Variants in R3HDM1 observed in about 807,000 individuals in gnomAD.
R3HDM1 encodes R3H domain-containing protein 1.
R3HDM1 carries 46 observed loss-of-function variants against 141.1 expected under a neutral mutation model. The ratio of observed to expected loss-of-function variants is 0.33; its 90% confidence interval spans 0.26 to 0.42. R3HDM1 has a LOEUF of 0.42. Ranked by LOEUF, R3HDM1 falls within the 10% of genes least tolerant of loss-of-function variation. R3HDM1 has a pLI of 1.00. For missense variants in R3HDM1, 1,184 were observed against 1,368.3 expected (o/e 0.87, Z 2.12); for synonymous variants, 435 against 472.9 (o/e 0.92, Z 1.04).
At chr2:135,699,872 ATGT>A (rs1397148812) in intron 21 of R3HDM1, among the ~76,000 whole-genome samples, 2 of 152,212 alleles carry the variant, frequency 1.3e-5, no homozygotes, top group Non-Finnish European at 2.9e-5. Context: ...ACATGGGAAA[ATGT>A]TGTCTTACCA....
intron 1 of R3HDM1, among the ~76,000 whole-genome samples, chr2:135,572,218 G>A (rs915989599): frequency 2.0e-5 from 3 of 152,172 alleles, no homozygotes; most frequent in Non-Finnish European, 2.9e-5. Flanking sequence ...GCCTCCCAAA[G>A]TGATGGGATT....
rs796883719 is a variant in R3HDM1, at chr2:135,699,101, AGATT to A, written c.2460-10331_2460-10328del. 7.7e-3 allele frequency among the ~76,000 whole-genome samples: 1,172 copies of A among 151,554 alleles called. 44 individuals carry two copies. The highest frequency in any genetic ancestry group is 0.027 in the African/African-American group (1,107 of 41,138). ...TAGATAGATAGATAGATAGATAGAT[AGATT>A]AGATATTCCAAACCCCAAAAAATAG... On this transcript the variant is annotated intron_variant, in intron 21 of 26. Coordinates refer to ENST00000683871, the MANE Select transcript of R3HDM1 (RefSeq NM_001378107.1).
At chr2:135,550,688 T>C (rs543397986) in intron 1 of R3HDM1, among the ~76,000 whole-genome samples, 50 of 152,342 alleles carry the variant, frequency 3.3e-4, no homozygotes, top group African/African-American at 1.2e-3. Flanking sequence ...AGTGGAGATC[T>C]ATTTGAGTCA....
At chr2:135,623,540 T>C (rs1196019608) in intron 7 of R3HDM1, among the ~76,000 whole-genome samples, 1 of 152,232 alleles carries the variant, frequency 6.6e-6, no homozygotes, top group Non-Finnish European at 1.5e-5. Context: ...CTGTTTCGTA[T>C]TTAATATCAA....
In R3HDM1 at chr2:135,645,500, A is replaced by G. The variant is rs758040991; in HGVS notation, c.1596A>G (p.Gln532=). 1 of 1,614,020 alleles carries G rather than the reference A, an allele frequency of 6.2e-7. No individual in the cohort carries two copies. The highest frequency in any genetic ancestry group is 1.1e-5 in the South Asian group (1 of 91,062). The stretch of plus-strand genomic sequence containing the variant: ...CACCTCTGCCAGCCCCACCTCAACA[A>G]CCAGCAGCTAATCACATTTTCTCAC... The part of the protein sequence containing the change: ...PQPPLPAPPQ[Q]PAANHIFSQP... Residue 532 remains glutamine, a synonymous_variant, in exon 16 of 27, where the codon CAA becomes CAG. Transcript: ENST00000683871.
At chr2:135,611,539 G>C (rs1331916415) in intron 3 of R3HDM1, among the ~76,000 whole-genome samples, 1 of 152,078 alleles carries the variant, frequency 6.6e-6, no homozygotes, top group African/African-American at 2.4e-5. Context: ...TTATTGTCAT[G>C]CAAGATTTTT....
rs1203890006 is a variant in R3HDM1, at chr2:135,537,325, A to G, written c.-250+5692A>G. ...TTTTGAGATGAAGTCTTGCTCTGTC[A>G]CCCAGGCTGGAGTGCAGTGGCGCAA... On this transcript the variant is annotated intron_variant, in intron 1 of 26. Transcript: ENST00000683871. 2.6e-5 allele frequency among the ~76,000 whole-genome samples: 3 copies of G among 114,566 alleles called. No homozygotes were observed. The Admixed American group carries it at 4.0e-4, about 15-fold the overall frequency. The allele number at this position is 114,566 out of a possible 152,430, so 75.2% of individuals were successfully genotyped here.
At chr2:135,686,956 T>C (rs925248289) in intron 21 of R3HDM1, among the ~76,000 whole-genome samples, 1 of 152,184 alleles carries the variant, frequency 6.6e-6, no homozygotes, top group African/African-American at 2.4e-5. Context: ...CCCAGCACTT[T>C]GGGAGGCCAA....
At position 135,639,065 on chromosome 2, in the gene R3HDM1, C is replaced by T; in HGVS notation, c.1162C>T (p.Leu388=). 8 of 1,614,138 alleles carry T rather than the reference C, an allele frequency of 5.0e-6. No individual in the cohort carries two copies. The highest frequency in any genetic ancestry group is 6.8e-6 in the Non-Finnish European group (8 of 1,180,028). The change falls in exon 14 of 27, where the codon CTG becomes TTG. Residue 388 remains leucine (L), a synonymous_variant. Transcript: ENST00000683871. ...CAGCAGCTTCAGTGGAATCTCAGTCCTGACAAGAGGTGATAGTTCTGGAAG... is the reference window on the plus strand; with the variant it reads ...CAGCAGCTTCAGTGGAATCTCAGTCTTGACAAGAGGTGATAGTTCTGGAAG... ...KASSFSGISV[L]TRGDSSGSSK... is the part of the protein sequence containing the mutation.
chr2:135,635,287 GC>G (rs1378579922), intron 9 of R3HDM1, among the ~76,000 whole-genome samples: 1 of 152,122 alleles, frequency 6.6e-6, no homozygotes, highest in African/African-American at 2.4e-5. Flanking sequence ...ATAAGATACG[GC>G]ACTGCACTTT....
intron 18 of R3HDM1, among the ~76,000 whole-genome samples, chr2:135,652,663 T>G (rs965907629): frequency 2.0e-5 from 3 of 152,206 alleles, no homozygotes; most frequent in African/African-American, 7.2e-5. Flanking sequence ...TAAAATGAGT[T>G]GGGCATTGTT....
intron 19 of R3HDM1, among the ~76,000 whole-genome samples, chr2:135,668,106 G>A (rs935954334): frequency 4.6e-5 from 7 of 152,116 alleles, no homozygotes; most frequent in Non-Finnish European, 1.0e-4. Context: ...CAAGAGTAAG[G>A]TTCTTATCTT....
At chr2:135,698,978 C>T (rs549396560) in intron 21 of R3HDM1, among the ~76,000 whole-genome samples, 1 of 129,826 alleles carries the variant, frequency 7.7e-6, no homozygotes, top group South Asian at 2.5e-4. Context: ...CAATATTACA[C>T]TCAGATAGAT....
At chr2:135,607,988 C>A in intron 3 of R3HDM1, 1 of 978,288 alleles carries the variant, frequency 1.0e-6, no homozygotes, top group Non-Finnish European at 1.2e-6. Context: ...CTGGTGAATG[C>A]CATATTCATT....
At chr2:135,711,963 T>TAAAAAAAAAAAAAAAAAAAA (rs35616482) in intron 23 of R3HDM1, among the ~76,000 whole-genome samples, 1 of 85,108 alleles carries the variant, frequency 1.2e-5, no homozygotes, top group Admixed American at 1.5e-4. Context: ...TGTCTAAAAT[T>TAAAAAAAAAAAAAAAAAAAA]AAAAAAAAAA....
In R3HDM1 at chr2:135,722,319, A is replaced by G. The variant is rs191782265; in HGVS notation, c.2965-150A>G. On this transcript the variant is annotated intron_variant, in intron 25 of 26. Coordinates refer to ENST00000683871, the MANE Select transcript of R3HDM1 (RefSeq NM_001378107.1). ...AATGAAGGACAGGAATGCCACTGCC[A>G]CAGGCAGAATCCAGAAGGCCTGGGA... 1.1e-4 allele frequency: 82 copies of G among 775,648 alleles called. 1 individual carries two copies. In the East Asian group the frequency reaches 2.0e-3, roughly 19 times the overall value. The allele number at this position is 775,648 out of a possible 1,614,324, so 48.0% of individuals were successfully genotyped here.
At chr2:135,570,150 C>G (rs1387859326) in intron 1 of R3HDM1, among the ~76,000 whole-genome samples, 1 of 152,160 alleles carries the variant, frequency 6.6e-6, no homozygotes, top group African/African-American at 2.4e-5. Flanking sequence ...CTTTTATTTA[C>G]TAGGATATTT....
chr2:135,595,670 A>G (rs1021608996), intron 1 of R3HDM1, among the ~76,000 whole-genome samples: 1 of 152,082 alleles, frequency 6.6e-6, no homozygotes, highest in Non-Finnish European at 1.5e-5. Context: ...TATCTTGTAT[A>G]TTTTGTCTCT....
chr2:135,651,001 G>A (rs2065093819), intron 17 of R3HDM1: 1 of 985,202 alleles, frequency 1.0e-6, no homozygotes, highest in African/African-American at 1.7e-5. Context: ...AATAAGAGCT[G>A]GTCCTTATCC....
Sources: gnomAD v4.1 joint callset for allele counts (sites outside exome capture counted in the v4.1 genomes callset) on GRCh38, gnomAD v4.1.1 for gene constraint, MANE v1.5 for transcripts, NCBI Gene and HGNC (gene_info 2026-07-23, HGNC 2026-07-21) for gene names.